ABCB5: variants seen among roughly 807,000 people sequenced by gnomAD.
ABCB5 encodes ATP-binding cassette sub-family B member 5.
Under a neutral mutation model 144.2 loss-of-function variants are expected in ABCB5, and 155 were observed. That is an observed-to-expected ratio of 1.08 (90% CI 0.94 to 1.23). The LOEUF is 1.23. Ranked by LOEUF, ABCB5 falls within the 50% of genes most tolerant of loss-of-function variation. The pLI is 0.00. For synonymous variants in ABCB5, 610 were observed against 528.6 expected (o/e 1.15, Z -2.11); for missense variants, 1,830 against 1,520.8 (o/e 1.20, Z -3.38).
chr7:20,717,412 A>G (rs1781709668), intron 20 of ABCB5, among the ~76,000 whole-genome samples: 1 of 148,786 alleles, frequency 6.7e-6, no homozygotes, highest in Non-Finnish European at 1.5e-5. Flanking sequence ...CTGTGTATGC[A>G]GTGTCTGCTG....
At chr7:20,630,071 G>A (rs560530472) in intron 4 of ABCB5, among the ~76,000 whole-genome samples, 42 of 140,336 alleles carry the variant, frequency 3.0e-4, no homozygotes, top group Non-Finnish European at 4.7e-4. Flanking sequence ...GTCTTTCAAG[G>A]TGACATTATT....
intron 14 of ABCB5, among the ~76,000 whole-genome samples, chr7:20,670,651 T>C (rs113390180): frequency 0.042 from 6,396 of 152,330 alleles, 373 homozygotes; most frequent in African/African-American, 0.13. Flanking sequence ...GGCTCATGCT[T>C]GTAATCCCAG....
At chr7:20,704,488 T>C (rs111355524) in intron 19 of ABCB5, among the ~76,000 whole-genome samples, 1,587 of 152,314 alleles carry the variant, frequency 0.01, 27 homozygotes, top group African/African-American at 0.037. Flanking sequence ...TATTATACTA[T>C]ATGTGGTGAT....
chr7:20,753,934 C>A (rs1783007465), intron 27 of ABCB5, among the ~76,000 whole-genome samples: 1 of 152,198 alleles, frequency 6.6e-6, no homozygotes, highest in African/African-American at 2.4e-5. Context: ...TCTACAGACT[C>A]AGCCTAGTTT....
At chr7:20,701,669 T>G (rs953996800) in intron 19 of ABCB5, among the ~76,000 whole-genome samples, 2 of 152,228 alleles carry the variant, frequency 1.3e-5, no homozygotes, top group Non-Finnish European at 2.9e-5. Flanking sequence ...TAGCTTCTGC[T>G]AATAAGGATG....
intron 14 of ABCB5, among the ~76,000 whole-genome samples, chr7:20,665,243 G>C (rs1390194719): frequency 6.6e-6 from 1 of 152,110 alleles, no homozygotes; most frequent in Admixed American, 6.5e-5. Context: ...AAGGGTCAAC[G>C]AGCAGGTGAG....
chr7:20,685,654 A>T, intron 15 of ABCB5, 42 bp from the exon 16 acceptor site: 1 of 1,516,364 alleles, frequency 6.6e-7, no homozygotes, highest in Non-Finnish European at 8.9e-7. Context: ...TTGAATTTTT[A>T]AGGCATTCTT....
At chr7:20,665,415 G>A (rs192016877) in intron 14 of ABCB5, among the ~76,000 whole-genome samples, 1 of 152,254 alleles carries the variant, frequency 6.6e-6, no homozygotes, top group East Asian at 1.9e-4. Flanking sequence ...AAGCCAATTG[G>A]CTTTCAACAT....
At chr7:20,635,416 T>A (rs992011897) in intron 5 of ABCB5, among the ~76,000 whole-genome samples, 2 of 151,934 alleles carry the variant, frequency 1.3e-5, no homozygotes, top group Non-Finnish European at 2.9e-5. Context: ...CATATGAATT[T>A]TAGGACTGTC....
At chr7:20,749,576 T>A (rs772533354) in intron 26 of ABCB5, among the ~76,000 whole-genome samples, 9 of 151,940 alleles carry the variant, frequency 5.9e-5, no homozygotes, top group Non-Finnish European at 8.8e-5. Context: ...ACACAGCTAC[T>A]GAGCATTTCT....
At chr7:20,698,846 G>A (rs997321457) in intron 17 of ABCB5, among the ~76,000 whole-genome samples, 3 of 152,124 alleles carry the variant, frequency 2.0e-5, no homozygotes, top group African/African-American at 7.2e-5. Context: ...AATAAAATAG[G>A]CAAATACAAC....
intron 2 of ABCB5, 82 bp from the exon 3 acceptor site, chr7:20,626,475 C>A: frequency 1.6e-6 from 2 of 1,220,288 alleles, no homozygotes; most frequent in Non-Finnish European, 1.1e-6. Flanking sequence ...TGATATCTGA[C>A]ACTTCTGCAA....
intron 26 of ABCB5, among the ~76,000 whole-genome samples, chr7:20,750,114 A>C (rs1433285527): frequency 6.6e-6 from 1 of 152,206 alleles, no homozygotes; most frequent in African/African-American, 2.4e-5. Context: ...ATCTAGCAGC[A>C]ATGTAAATGA....
chr7:20,642,878 T>A (rs1784323715), intron 5 of ABCB5, among the ~76,000 whole-genome samples: 1 of 152,176 alleles, frequency 6.6e-6, no homozygotes, highest in African/African-American at 2.4e-5. Context: ...CCACCTACAA[T>A]TACCTTGATT....
chr7:20,755,385 A>G, intron 27 of ABCB5, 42 bp from the exon 28 acceptor site: 1 of 1,591,908 alleles, frequency 6.3e-7, no homozygotes, highest in East Asian at 2.2e-5. Flanking sequence ...GTTTACTAAC[A>G]TCTAACTCAA....
At chr7:20,682,009 A>C (rs1332275319) in intron 15 of ABCB5, among the ~76,000 whole-genome samples, 2 of 152,162 alleles carry the variant, frequency 1.3e-5, no homozygotes, top group African/African-American at 2.4e-5. Context: ...GATCGAGACC[A>C]TGCTGGCCAA....
At position 20,629,232 on chromosome 7, in the gene ABCB5, G is replaced by C. The variant is rs577108663; in HGVS notation, c.259+394G>C. On this transcript the variant is annotated intron_variant, in intron 4 of 27. Coordinates refer to ENST00000404938, the MANE Select transcript of ABCB5 (RefSeq NM_001163941.2). ...TTGGCTGGCTCACATGGTTATAGAG[G>C]CTGGTGAGTTCAAGAGGGTGGGCTG... is the stretch of plus-strand genomic sequence containing the variant. Among the ~76,000 whole-genome samples the C allele has an allele frequency of 2.4e-4, 36 of 150,446 alleles. No individual in the cohort carries two copies. The South Asian group carries it at 7.4e-3, about 31-fold the overall frequency.
At chr7:20,668,491 G>A (rs1303800503) in intron 14 of ABCB5, among the ~76,000 whole-genome samples, 1 of 151,218 alleles carries the variant, frequency 6.6e-6, no homozygotes. Context: ...CCTGGCAACC[G>A]CCCCGTCTGA....
chr7:20,677,833 C>G (rs893487039), intron 14 of ABCB5, among the ~76,000 whole-genome samples: 1 of 152,162 alleles, frequency 6.6e-6, no homozygotes. Flanking sequence ...GTGGGAAAAA[C>G]CAGCTGAAGT....
Sources: gnomAD v4.1 joint callset for allele counts (sites outside exome capture counted in the v4.1 genomes callset) on GRCh38, gnomAD v4.1.1 for gene constraint, MANE v1.5 for transcripts, NCBI Gene and HGNC (gene_info 2026-07-23, HGNC 2026-07-21) for gene names.